Variants in DISC1 observed in about 807,000 individuals in gnomAD.
DISC1 encodes the protein DISC1 scaffold protein.
DISC1 carries 57 observed loss-of-function variants against 84.5 expected under a neutral mutation model. The observed-to-expected ratio is 0.67, with a 90% CI of 0.55 to 0.84. DISC1 has a LOEUF of 0.84. Ranked by LOEUF, DISC1 falls within the 40% of genes least tolerant of loss-of-function variation. DISC1 has a pLI of 0.00. For synonymous variants in DISC1, 411 were observed against 415.2 expected (o/e 0.99, Z 0.12); for missense variants, 1,000 against 1,057.8 (o/e 0.95, Z 0.76).
chr1:231,914,135 G>A (rs1228258649), intron 9 of DISC1, among the ~76,000 whole-genome samples: 3 of 152,140 alleles, frequency 2.0e-5, no homozygotes, highest in Admixed American at 6.5e-5. Flanking sequence ...ACAGTTTGCC[G>A]CCTTCTGTTT....
intron 9 of DISC1, among the ~76,000 whole-genome samples, chr1:231,951,183 A>C (rs1195450133): frequency 6.6e-6 from 1 of 152,080 alleles, no homozygotes; most frequent in African/African-American, 2.4e-5. Context: ...CAGCATTCTC[A>C]CTCGCGTTAC....
intron 1 of DISC1, among the ~76,000 whole-genome samples, chr1:231,645,412 C>T (rs201097915): frequency 3.9e-5 from 6 of 152,086 alleles, no homozygotes; most frequent in Non-Finnish European, 5.9e-5. Flanking sequence ...GCCCTCTCCT[C>T]GCCTCCCAAA....
At chr1:232,013,198 A>G (rs1269767347) in intron 11 of DISC1, among the ~76,000 whole-genome samples, 1 of 152,016 alleles carries the variant, frequency 6.6e-6, no homozygotes, top group East Asian at 1.9e-4. Flanking sequence ...TGCTTTTTCT[A>G]CATAATGGGC....
At chr1:231,822,928 T>C (rs914800272) in intron 9 of DISC1, among the ~76,000 whole-genome samples, 3 of 152,200 alleles carry the variant, frequency 2.0e-5, no homozygotes, top group Non-Finnish European at 2.9e-5. Flanking sequence ...GAGAACTCAC[T>C]CATTGATGAC....
chr1:231,637,191 AC>A (rs1451273708), intron 1 of DISC1, among the ~76,000 whole-genome samples: 3 of 151,842 alleles, frequency 2.0e-5, no homozygotes, highest in Admixed American at 6.6e-5. Context: ...CATTTTCTTT[AC>A]CCGGTCTATC....
chr1:231,886,287 T>C (rs919229695), intron 9 of DISC1, among the ~76,000 whole-genome samples: 5 of 152,240 alleles, frequency 3.3e-5, no homozygotes, highest in Non-Finnish European at 7.3e-5. Flanking sequence ...GTGATTTTAC[T>C]TATTAAATAA....
intron 9 of DISC1, among the ~76,000 whole-genome samples, chr1:231,923,801 CT>C (rs1314140383): frequency 6.6e-6 from 1 of 152,152 alleles, no homozygotes; most frequent in Non-Finnish European, 1.5e-5. Context: ...CCTGTGGCGC[CT>C]TTGTATATGG....
At chr1:231,804,037 T>TAG (rs567598918) in intron 8 of DISC1, among the ~76,000 whole-genome samples, 17 of 148,400 alleles carry the variant, frequency 1.1e-4, no homozygotes, top group Middle Eastern at 3.3e-3. Context: ...GCTTAGTGAC[T>TAG]AGAAGCAAGT....
At chr1:232,004,889 CTTCCTTCCTTCCTTCT>C (rs1667169110) in intron 10 of DISC1, among the ~76,000 whole-genome samples, 3 of 115,722 alleles carry the variant, frequency 2.6e-5, no homozygotes, top group Non-Finnish European at 5.3e-5. Context: ...CCCTCCCTTC[CTTCCTTCCTTCCTTCT>C]TTCCTTCCTT....
intron 3 of DISC1, among the ~76,000 whole-genome samples, chr1:231,740,579 G>A (rs2073126234): frequency 6.6e-6 from 1 of 152,182 alleles, no homozygotes; most frequent in Non-Finnish European, 1.5e-5. Context: ...GAGTCCTCCA[G>A]GCCTTTGAGA....
intron 1 of DISC1, among the ~76,000 whole-genome samples, chr1:231,676,828 C>G (rs1196482440): frequency 1.3e-5 from 2 of 152,134 alleles, no homozygotes; most frequent in East Asian, 3.8e-4. Flanking sequence ...GAAAAACAGA[C>G]TTTTATAGTT....
intron 9 of DISC1, among the ~76,000 whole-genome samples, chr1:231,948,374 A>G (rs1331869498): frequency 6.6e-6 from 1 of 152,062 alleles, no homozygotes; most frequent in Non-Finnish European, 1.5e-5. Context: ...CAAACACCAC[A>G]TGTTCTCACT....
At chr1:231,812,950 G>T (rs2080461508) in intron 8 of DISC1, among the ~76,000 whole-genome samples, 2 of 152,228 alleles carry the variant, frequency 1.3e-5, no homozygotes, top group East Asian at 3.9e-4. Context: ...GATATGAATG[G>T]TCTCTTTGGG....
At chr1:231,662,675 T>G (rs1327918741) in intron 1 of DISC1, among the ~76,000 whole-genome samples, 2 of 152,254 alleles carry the variant, frequency 1.3e-5, no homozygotes, top group African/African-American at 4.8e-5. Context: ...CGGACCTATC[T>G]CAGGCAGATT....
At chr1:231,983,556 GAGGTAGAGGAGTGGCA>G (rs1663939931) in intron 10 of DISC1, among the ~76,000 whole-genome samples, 1 of 59,496 alleles carries the variant, frequency 1.7e-5, no homozygotes, top group African/African-American at 7.4e-5. Context: ...GGGGTGGGGG[GAGGTAGAGGAGTGGCA>G]GGGAGGGAGG....
rs910163345 is a variant in DISC1 at position 231,828,155 on chromosome 1, G to A, written c.1981+9638G>A. Among the ~76,000 whole-genome samples the A allele has an allele frequency of 5.3e-5, 8 of 152,062 alleles. No individual in the cohort carries two copies. In the South Asian group the frequency reaches 6.3e-4, roughly 12 times the overall value. On this transcript the variant is annotated intron_variant, in intron 9 of 12. Transcript: ENST00000439617. ...TTACTATGACTGCTTTACATTTCCAGTCTCCCCAAATCTGATATTTTCCTT... is the reference window on the plus strand; with the variant it reads ...TTACTATGACTGCTTTACATTTCCAATCTCCCCAAATCTGATATTTTCCTT...
chr1:231,808,340 C>G (rs1001849115), intron 8 of DISC1, among the ~76,000 whole-genome samples: 19 of 152,274 alleles, frequency 1.2e-4, no homozygotes, highest in African/African-American at 4.6e-4. Flanking sequence ...TCTTTGCACA[C>G]CCAGAAGCTC....
chr1:231,940,340 G>A (rs1303226046), intron 9 of DISC1, among the ~76,000 whole-genome samples: 1 of 152,152 alleles, frequency 6.6e-6, no homozygotes, highest in Non-Finnish European at 1.5e-5. Flanking sequence ...TGAGTGAATT[G>A]GTTTCCCATG....
intron 3 of DISC1, among the ~76,000 whole-genome samples, chr1:231,734,480 T>C (rs1204410434): frequency 1.3e-5 from 1 of 75,956 alleles, no homozygotes; most frequent in East Asian, 2.8e-4. Flanking sequence ...TGGCATCACG[T>C]GCTCTCTCTC....
Sources: gnomAD v4.1 joint callset for allele counts (sites outside exome capture counted in the v4.1 genomes callset) on GRCh38, gnomAD v4.1.1 for gene constraint, MANE v1.5 for transcripts, NCBI Gene and HGNC (gene_info 2026-07-23, HGNC 2026-07-21) for gene names.